RRP12: variants seen among roughly 807,000 people sequenced by gnomAD.
The protein encoded by RRP12 is RRP12-like protein.
Under a neutral mutation model 157.3 loss-of-function variants are expected in RRP12, and 78 were observed. That is an observed-to-expected ratio of 0.50 (90% confidence interval 0.41 to 0.60). RRP12 has a LOEUF of 0.60. RRP12 is among the 20% of genes least tolerant of loss of function. RRP12 has a pLI of 0.00. For missense variants in RRP12, 1,521 were observed against 1,679.9 expected (o/e 0.91, Z 1.65); for synonymous variants, 726 against 670.9 (o/e 1.08, Z -1.27).
At chr10:97,392,534 A>C (rs1194095836) in intron 4 of RRP12, among the ~76,000 whole-genome samples, 1 of 150,560 alleles carries the variant, frequency 6.6e-6, no homozygotes, top group Non-Finnish European at 1.5e-5. Flanking sequence ...TTTTTAGTAG[A>C]GATCGGGTTT....
chr10:97,369,728 C>T lies in RRP12; in HGVS notation c.2798-146G>A, dbSNP rs1844089834. The stretch of plus-strand genomic sequence containing the variant: ...TGCCCGGGATGGTTCCAATCACGCT[C>T]CATGGAGTGGTCTTGGGTCCTTTCG... On this transcript the variant is annotated intron_variant, in intron 24 of 33. Transcript: ENST00000370992. 4.7e-6 allele frequency: 4 copies of T among 845,124 alleles called. No individual in the cohort carries two copies. The South Asian group carries it at 7.1e-5, about 15-fold the overall frequency. The allele number at this position is 845,124 out of a possible 1,614,324, so 52.4% of individuals were successfully genotyped here.
In RRP12 at chr10:97,380,857, T is replaced by C; in HGVS notation, c.1475A>G (p.Gln492Arg). ...KFHAAWSSVL[Q>R]LLCVFFEACG... ...CGCCTCGAAGAAGACACACAGCAGC[T>C]GCAACACGGAGCTCCAGGCCGCATG... The change falls in exon 13 of 34, where the codon CAG (glutamine) becomes CGG (arginine). Residue 492 changes from glutamine (Q) to arginine (R), a missense_variant. Transcript: ENST00000370992. 7 of 1,614,192 alleles carry C rather than the reference T, an allele frequency of 4.3e-6. No individual in the cohort carries two copies. The highest frequency in any genetic ancestry group is 5.9e-6 in the Non-Finnish European group (7 of 1,180,026).
chr10:97,369,504 A>G lies in RRP12; in HGVS notation c.2876T>C (p.Val959Ala). Reference protein sequence around the residue: ...LLLASRTRDVVKSALGFIKVA... With the variant: ...LLLASRTRDVAKSALGFIKVA... ...CTTGATGAAGCCCAGTGCAGACTTGACCACGTCACGGGTGCGGGAGGCCAG... is the reference window on the plus strand; with the variant it reads ...CTTGATGAAGCCCAGTGCAGACTTGGCCACGTCACGGGTGCGGGAGGCCAG... The change falls in exon 25 of 34, where the codon GTC becomes GCC. Residue 959 changes from valine to alanine, a missense_variant. By Grantham distance (64) the Val-to-Ala change is moderately conservative. Coordinates refer to ENST00000370992, the MANE Select transcript of RRP12 (RefSeq NM_015179.4). 1.2e-6 allele frequency: 2 copies of G among 1,607,420 alleles called. No individual in the cohort carries two copies. Among genetic ancestry groups the G allele is most frequent in the Non-Finnish European group, 1.7e-6 (2 of 1,177,028 alleles).
intron 3 of RRP12, among the ~76,000 whole-genome samples, chr10:97,394,678 C>A (rs1261206444): frequency 6.6e-6 from 1 of 152,190 alleles, no homozygotes; most frequent in African/African-American, 2.4e-5. Flanking sequence ...GCGTGAGCCA[C>A]CACACCCAGC....
At chr10:97,359,489 A>G (rs1178620690) in intron 31 of RRP12, among the ~76,000 whole-genome samples, 1 of 152,180 alleles carries the variant, frequency 6.6e-6, no homozygotes, top group Non-Finnish European at 1.5e-5. Context: ...TATTTAACCC[A>G]TTGTAACAGA....
chr10:97,358,658 G>T (rs1446244436), intron 32 of RRP12, 39 bp from the exon 33 acceptor site: 1 of 1,514,340 alleles, frequency 6.6e-7, no homozygotes, highest in Admixed American at 1.7e-5. Flanking sequence ...AGGAGGGTGG[G>T]GTTCCCCTTC....
chr10:97,377,844 C>CA (rs57212325), intron 15 of RRP12, among the ~76,000 whole-genome samples: 1,364 of 47,836 alleles, frequency 0.029, 14 homozygotes, highest in African/African-American at 0.071. Context: ...GACTTCATCT[C>CA]AAAAAAAAAA....
At chr10:97,367,671 G>A (rs965766283) in intron 25 of RRP12, among the ~76,000 whole-genome samples, 6 of 152,276 alleles carry the variant, frequency 3.9e-5, no homozygotes, top group Middle Eastern at 6.8e-3. Flanking sequence ...TGGGTTACAT[G>A]TGCAGGTGGC....
chr10:97,364,248 C>T (rs985245519), intron 29 of RRP12, among the ~76,000 whole-genome samples: 21 of 152,138 alleles, frequency 1.4e-4, no homozygotes, highest in Non-Finnish European at 2.2e-4. Flanking sequence ...GGGAGTCAGG[C>T]GCTCCTGCAG....
At chr10:97,398,853 T>C (rs193230884) in intron 2 of RRP12, among the ~76,000 whole-genome samples, 72 of 152,222 alleles carry the variant, frequency 4.7e-4, no homozygotes, top group African/African-American at 1.7e-3. Context: ...AGTAGGGGTA[T>C]ATGGGTAAAT....
At position 97,393,550 on chromosome 10, in the gene RRP12, G is replaced by C. The variant is rs977294805; in HGVS notation, c.530+134C>G. 1.8e-5 allele frequency: 14 copies of C among 764,750 alleles called. No homozygotes were observed. In the Admixed American group the frequency reaches 2.6e-4, roughly 14 times the overall value. The allele number at this position is 764,750 out of a possible 1,614,324, so 47.4% of individuals were successfully genotyped here. ...GGTATGTCACATGCTGGCCCATTCTGCATGCCTCTAGACAATGTTCATGAA... is the reference window on the plus strand; with the variant it reads ...GGTATGTCACATGCTGGCCCATTCTCCATGCCTCTAGACAATGTTCATGAA... On this transcript the variant is annotated intron_variant, in intron 4 of 33. Coordinates refer to ENST00000370992, the MANE Select transcript of RRP12 (RefSeq NM_015179.4).
intron 15 of RRP12, among the ~76,000 whole-genome samples, chr10:97,375,010 G>A (rs546316980): frequency 6.6e-6 from 1 of 152,218 alleles, no homozygotes; most frequent in East Asian, 1.9e-4. Context: ...GTGGAGCGGC[G>A]GAGTTGGGAT....
chr10:97,399,478 A>G (rs1450867013), intron 2 of RRP12, among the ~76,000 whole-genome samples: 4 of 152,066 alleles, frequency 2.6e-5, no homozygotes, highest in Admixed American at 6.6e-5. Context: ...TATTATTCTT[A>G]TATCATTTTG....
intron 19 of RRP12, 146 bp from the exon 20 acceptor site, chr10:97,372,312 T>C (rs1279393498): frequency 1.0e-5 from 6 of 591,018 alleles, no homozygotes; most frequent in Non-Finnish European, 1.8e-5. Flanking sequence ...ACAATAATAA[T>C]AGCTAGTACC....
chr10:97,387,989 C>A, intron 8 of RRP12: 1 of 415,692 alleles, frequency 2.4e-6, no homozygotes, highest in Non-Finnish European at 4.3e-6. Flanking sequence ...GTACATAGAG[C>A]TGGTGCAGAA....
In RRP12 at chr10:97,390,475, G is replaced by A; in HGVS notation, c.701C>T (p.Thr234Ile). Residue 234 changes from threonine (T) to isoleucine (I), a missense_variant, in exon 6 of 34, where the codon ACC becomes ATC. Physicochemically the swap from Thr to Ile is moderately conservative, Grantham distance 89. Coordinates refer to ENST00000370992, the MANE Select transcript of RRP12 (RefSeq NM_015179.4). ...QDLEAWGYPV[T>I]LQVYHGLLSF... ...CAGCAGCCCATGGTACACCTGAAGG[G>A]TCACGGGGTAGCCCCAGGCCTCCAG... 1 of 1,614,150 alleles carries A rather than the reference G, an allele frequency of 6.2e-7. No homozygotes were observed. The highest frequency in any genetic ancestry group is 8.5e-7 in the Non-Finnish European group (1 of 1,180,024).
chr10:97,361,851 G>A (rs1314666143), intron 30 of RRP12, among the ~76,000 whole-genome samples: 1 of 152,194 alleles, frequency 6.6e-6, no homozygotes, highest in East Asian at 1.9e-4. Context: ...GCTCACGCCT[G>A]TAATCCTGGC....
At chr10:97,384,681 C>T (rs1165756014) in intron 10 of RRP12, among the ~76,000 whole-genome samples, 1 of 149,510 alleles carries the variant, frequency 6.7e-6, no homozygotes, top group African/African-American at 2.5e-5. Context: ...ACCTCAGCAG[C>T]CAGGATGAAG....
In RRP12 at chr10:97,361,369, G is replaced by A. The variant is rs553762175; in HGVS notation, c.3568-751C>T. Reference sequence around the variant, plus strand: ...ACCAACAACCAGGCCAGGCAGAGGCGTGCTGTGCAGGGAGGGCAGGCAAAC... The same window carrying A: ...ACCAACAACCAGGCCAGGCAGAGGCATGCTGTGCAGGGAGGGCAGGCAAAC... On this transcript the variant is annotated intron_variant, in intron 30 of 33. Transcript: ENST00000370992. Among the ~76,000 whole-genome samples the A allele has an allele frequency of 6.4e-4, 97 of 152,324 alleles. 2 individuals carry two copies. Among genetic ancestry groups the A allele is most frequent in the African/African-American group, 2.3e-3 (94 of 41,574 alleles).
Sources: gnomAD v4.1 joint callset for allele counts (sites outside exome capture counted in the v4.1 genomes callset) on GRCh38, gnomAD v4.1.1 for gene constraint, MANE v1.5 for transcripts, NCBI Gene and HGNC (gene_info 2026-07-23, HGNC 2026-07-21) for gene names.